The following HMGB3 variants were observed in gnomAD, a reference collection of about 807,000 sequenced individuals.
HMGB3 encodes the protein high mobility group box 3.
HMGB3 carries 1 observed loss-of-function variant against 12.9 expected under a neutral mutation model. The ratio of observed to expected loss-of-function variants is 0.08; its 90% confidence interval spans 0.03 to 0.37. The LOEUF is 0.37. Among genes scored for constraint, HMGB3 ranks in the 10% least tolerant of loss-of-function variants. HMGB3 has a pLI of 0.99. For synonymous variants in HMGB3, 61 were observed against 53.9 expected (o/e 1.13, Z -0.57); for missense variants, 74 against 153.3 (o/e 0.48, Z 2.73).
Position 150,987,850 on chromosome X carries a change from TGGAAGA to T in HMGB3, c.546_551del (p.Glu182_Glu183del). The T allele has an allele frequency of 1.7e-6, 2 of 1,200,264 alleles. No homozygotes were observed. The highest frequency in any genetic ancestry group is 3.5e-5 in the South Asian group (2 of 56,432). On this transcript the variant is annotated inframe_deletion, in exon 5 of 5. Transcript: ENST00000325307. Reference sequence around the variant, plus strand: ...CCTGCTAAAGTTGCCCGGAAAAAGGTGGAAGAGGAAGATGAAGAAGAGGAGGAGGAA... The same window carrying T: ...CCTGCTAAAGTTGCCCGGAAAAAGGTGGAAGATGAAGAAGAGGAGGAGGAA...
chrX:150,985,617 C>G lies in HMGB3; in HGVS notation c.18C>G (p.Pro6=), dbSNP rs376243313. 8.3e-7 allele frequency: 1 copy of G among 1,197,710 alleles called. No homozygotes were observed. Among genetic ancestry groups the G allele is most frequent in the Admixed American group, 2.2e-5 (1 of 45,419 alleles). The change falls in exon 2 of 5, where the codon CCC becomes CCG. Residue 6 remains proline, a synonymous_variant. Transcript: ENST00000325307. MAKGD[P]KKPKGKMSAY... ...CAGTCAGGATGGCTAAAGGTGACCC[C>G]AAGAAACCAAAGGGCAAGATGTCCG...
intron 1 of HMGB3, among the ~76,000 whole-genome samples, chrX:150,984,013 G>T (rs2048019553): frequency 9.8e-6 from 1 of 101,677 alleles, no homozygotes; most frequent in Admixed American, 1.0e-4. Context: ...GGGGGCGCGG[G>T]CCGGCCGCCC....
upstream of HMGB3, among the ~76,000 whole-genome samples, chrX:150,982,500 G>A (rs994259597): frequency 1.8e-5 from 2 of 112,434 alleles, no homozygotes; most frequent in Admixed American, 9.4e-5. Context: ...GGTGTGTCAG[G>A]AGAGCAGAGG....
upstream of HMGB3, chrX:150,980,591 T>G: frequency 4.0e-6 from 3 of 745,203 alleles, no homozygotes; most frequent in Non-Finnish European, 4.8e-6. Context: ...ATATTTCCTA[T>G]GCAAAGGATG....
rs2048084923 is a variant in HMGB3, at chrX:150,988,964, C to T, written c.*1050C>T. 1 of 111,145 alleles carries T rather than the reference C, an allele frequency of 9.0e-6. No individual in the cohort carries two copies. The highest frequency in any genetic ancestry group is 1.9e-5 in the Non-Finnish European group (1 of 53,061). The allele number at this position is 111,145 out of a possible 1,213,427, so 9.2% of individuals were successfully genotyped here. On this transcript the variant is annotated 3_prime_UTR_variant, in exon 5 of 5. Coordinates refer to ENST00000325307, the MANE Select transcript of HMGB3 (RefSeq NM_005342.4). ...ATTTTGTTTGTGTCTGAGTGGCATTCAGATGAAGTCTGGAGGAGTTAGGAG... is the reference window on the plus strand; with the variant it reads ...ATTTTGTTTGTGTCTGAGTGGCATTTAGATGAAGTCTGGAGGAGTTAGGAG...
rs572009629 is a variant in HMGB3 at position 150,985,544 on chromosome X, A to G, written c.-5-51A>G. The G allele has an allele frequency of 2.9e-5, 30 of 1,049,003 alleles. No individual in the cohort carries two copies. The African/African-American group carries it at 3.4e-4, about 12-fold the overall frequency. The allele number at this position is 1,049,003 out of a possible 1,213,427, so 86.4% of individuals were successfully genotyped here. On this transcript the variant is annotated intron_variant, in intron 1 of 4. Coordinates refer to ENST00000325307, the MANE Select transcript of HMGB3 (RefSeq NM_005342.4). ...TTGGTACGTCTTGTACTTCTTGTCA[A>G]TTCCTCCTTGCTTTTCCTCATTGTA...
At chrX:150,987,700 T>G in intron 4 of HMGB3, 77 bp from the exon 5 acceptor site, 1 of 762,995 alleles carries the variant, frequency 1.3e-6, no homozygotes, top group Non-Finnish European at 1.9e-6. Flanking sequence ...TCCTCTTACC[T>G]GAGATGAGGA....
chrX:150,987,710 A>T, intron 4 of HMGB3, 67 bp from the exon 5 acceptor site: 1 of 849,648 alleles, frequency 1.2e-6, no homozygotes, highest in Non-Finnish European at 1.7e-6. Flanking sequence ...TGAGATGAGG[A>T]CTGCATGTTT....
upstream of HMGB3, among the ~76,000 whole-genome samples, chrX:150,980,824 G>A (rs114398781): frequency 0.015 from 1,724 of 112,631 alleles, 32 homozygotes; most frequent in African/African-American, 0.052. Flanking sequence ...GTGAGTACGT[G>A]TATACATGTG....
In HMGB3 at chrX:150,988,828, A is replaced by G. The variant is rs782451540; in HGVS notation, c.*914A>G. Reference sequence around the variant, plus strand: ...ACAGCAGTGAACAAACCCCCACTCCATTGTATTTGGAGACTGGCCTCCCTA... The same window carrying G: ...ACAGCAGTGAACAAACCCCCACTCCGTTGTATTTGGAGACTGGCCTCCCTA... On this transcript the variant is annotated 3_prime_UTR_variant, in exon 5 of 5. Coordinates refer to ENST00000325307, the MANE Select transcript of HMGB3 (RefSeq NM_005342.4). 8.9e-6 allele frequency: 1 copy of G among 112,231 alleles called. No individual in the cohort carries two copies. Among genetic ancestry groups the G allele is most frequent in the Non-Finnish European group, 1.9e-5 (1 of 53,254 alleles). The allele number at this position is 112,231 out of a possible 1,213,427, so 9.2% of individuals were successfully genotyped here.
At chrX:150,985,915 A>G (rs1557425226) in intron 2 of HMGB3, 136 bp from the exon 3 acceptor site, 1 of 808,392 alleles carries the variant, frequency 1.2e-6, no homozygotes, top group Non-Finnish European at 1.8e-6. Flanking sequence ...TTATTTTTTT[A>G]AGGCCCTGCA....
intron 1 of HMGB3, chrX:150,984,681 G>A (rs1286279170): frequency 9.0e-6 from 4 of 443,862 alleles, no homozygotes; most frequent in Non-Finnish European, 1.1e-5. Context: ...GCTGCCTGCT[G>A]CCGGCCGGGA....
rs1290613468 is a variant in HMGB3 at position 150,989,450 on chromosome X, T to G, written c.*1536T>G. ...ATGTATCATGAAAAGTTGAATGGCC[T>G]GCTCATAAGTTTAGCTCATTCACTG... On this transcript the variant is annotated 3_prime_UTR_variant, in exon 5 of 5. Transcript: ENST00000325307. 1.4e-4 allele frequency: 16 copies of G among 112,111 alleles called. No individual in the cohort carries two copies. The highest frequency in any genetic ancestry group is 3.8e-5 in the Non-Finnish European group (2 of 53,246). 9.2% of individuals were successfully genotyped at this position (112,111 alleles called of 1,213,427 possible). A position where few individuals can be genotyped will look rare whatever the true frequency, so the allele number is the denominator to read the frequency against.
intron 1 of HMGB3, among the ~76,000 whole-genome samples, chrX:150,984,131 C>T (rs1449513728): frequency 1.0e-5 from 1 of 97,954 alleles, no homozygotes; most frequent in Non-Finnish European, 2.1e-5. Context: ...CGGCGGGGCG[C>T]CCGGCGGGCT....
chrX:150,983,653 C>T, intron 1 of HMGB3: 5 of 717,245 alleles, frequency 7.0e-6, no homozygotes, highest in Non-Finnish European at 8.2e-6. Context: ...GCCCCCTCGG[C>T]GGACGCCCGC....
At chrX:150,985,440 C>G in intron 1 of HMGB3, 155 bp from the exon 2 acceptor site, 1 of 380,788 alleles carries the variant, frequency 2.6e-6, no homozygotes, top group Non-Finnish European at 4.5e-6. Flanking sequence ...CTTTCCTACT[C>G]TGCCTTCTGC....
intron 3 of HMGB3, among the ~76,000 whole-genome samples, chrX:150,986,585 CACAG>C (rs1242084877): frequency 8.5e-5 from 6 of 70,703 alleles, no homozygotes; most frequent in South Asian, 8.3e-4. Context: ...CATACACACA[CACAG>C]AGCACCATAT....
At chrX:150,986,926 C>T (rs1332096452) in intron 3 of HMGB3, among the ~76,000 whole-genome samples, 1 of 112,070 alleles carries the variant, frequency 8.9e-6, no homozygotes, top group African/African-American at 3.2e-5. Flanking sequence ...GAATTACAGG[C>T]GTGAGCCGCG....
chrX:150,987,348 T>C (rs1557425266), intron 4 of HMGB3, 46 bp downstream of exon 4: 6 of 1,093,867 alleles, frequency 5.5e-6, no homozygotes, highest in South Asian at 4.2e-5. Context: ...GCAGTGGTTC[T>C]GCTATCAGTA....
Sources: gnomAD v4.1 joint callset for allele counts (sites outside exome capture counted in the v4.1 genomes callset) on GRCh38, gnomAD v4.1.1 for gene constraint, MANE v1.5 for transcripts, NCBI Gene and HGNC (gene_info 2026-07-23, HGNC 2026-07-21) for gene names.